The following DCDC1 variants were observed in gnomAD, a reference collection of about 807,000 sequenced individuals.
DCDC1 encodes doublecortin domain containing 1, also known as doublecortin domain-containing protein 1.
DCDC1 carries 200 observed loss-of-function variants against 178.3 expected under a neutral mutation model. The ratio of observed to expected loss-of-function variants is 1.12; its 90% CI spans 1.00 to 1.26. The LOEUF (loss-of-function observed/expected upper bound fraction) is 1.26, where lower values mean the gene tolerates loss of function less well. Among genes scored for constraint, DCDC1 ranks in the 50% most tolerant of loss-of-function variants. DCDC1 has a pLI of 0.00. For missense variants in DCDC1, 1,983 were observed against 1,749.2 expected (o/e 1.13, Z -2.38); for synonymous variants, 690 against 604.8 (o/e 1.14, Z -2.07).
chr11:31,294,858 GAAA>G (rs1246751357), intron 6 of DCDC1, among the ~76,000 whole-genome samples: 8 of 118,998 alleles, frequency 6.7e-5, no homozygotes, highest in African/African-American at 2.2e-4. Context: ...AAGAAAGAAA[GAAA>G]GAAAGAAAAA....
At chr11:30,916,832 A>AC in intron 26 of DCDC1, 38 bp downstream of exon 26, 1 of 1,556,860 alleles carries the variant, frequency 6.4e-7, no homozygotes, top group Non-Finnish European at 8.7e-7. Flanking sequence ...CTAACACTAG[A>AC]CAGAAATCTT....
chr11:31,137,903 A>C (rs2136001505), intron 9 of DCDC1, 119 bp from the exon 10 acceptor site: 1 of 565,772 alleles, frequency 1.8e-6, no homozygotes, highest in Admixed American at 3.3e-5. Flanking sequence ...TTTTGATGAT[A>C]CGTACATGAA....
intron 9 of DCDC1, among the ~76,000 whole-genome samples, chr11:31,163,464 T>G (rs1209803069): frequency 1.3e-5 from 2 of 152,170 alleles, no homozygotes; most frequent in Non-Finnish European, 2.9e-5. Flanking sequence ...GTTCTTATCT[T>G]TGATTTCACC....
intron 20 of DCDC1, among the ~76,000 whole-genome samples, chr11:30,994,025 A>C (rs1199947472): frequency 6.6e-6 from 1 of 152,192 alleles, no homozygotes; most frequent in Non-Finnish European, 1.5e-5. Flanking sequence ...AATATTCCTC[A>C]TGGACATAGA....
chr11:31,160,250 A>G (rs1465927817), intron 9 of DCDC1, among the ~76,000 whole-genome samples: 1 of 152,204 alleles, frequency 6.6e-6, no homozygotes, highest in Non-Finnish European at 1.5e-5. Flanking sequence ...TACAAACTTA[A>G]TACATTTTTA....
chr11:31,023,734 C>A (rs1048297831), intron 20 of DCDC1, among the ~76,000 whole-genome samples: 3 of 151,358 alleles, frequency 2.0e-5, no homozygotes, highest in Non-Finnish European at 4.4e-5. Flanking sequence ...ATATATAAAT[C>A]GAAAAACTTA....
intron 20 of DCDC1, among the ~76,000 whole-genome samples, chr11:30,973,113 A>T (rs920250912): frequency 7.2e-5 from 11 of 151,800 alleles, no homozygotes; most frequent in African/African-American, 2.4e-4. Flanking sequence ...CTCTACTAAA[A>T]ATACAAAATT....
intron 11 of DCDC1, among the ~76,000 whole-genome samples, chr11:31,120,746 A>G (rs919339696): frequency 2.6e-5 from 4 of 151,932 alleles, no homozygotes; most frequent in Non-Finnish European, 5.9e-5. Context: ...TCTCCCACCT[A>G]CTCAGACATC....
In DCDC1 at chr11:31,329,104, T is replaced by C. The variant is rs140679340; in HGVS notation, c.-6-818A>G. 2.6e-4 allele frequency among the ~76,000 whole-genome samples: 40 copies of C among 152,108 alleles called. 1 individual carries two copies. The highest frequency in any genetic ancestry group is 9.4e-4 in the African/African-American group (39 of 41,510). On this transcript the variant is annotated intron_variant, in intron 2 of 38. Transcript: ENST00000684477. Reference sequence around the variant, plus strand: ...AGGCTAGCCAATCAAAATGCCCTATTCTCCCACATACAGAGATTGGTAAAT... The same window carrying C: ...AGGCTAGCCAATCAAAATGCCCTATCCTCCCACATACAGAGATTGGTAAAT...
intron 17 of DCDC1, among the ~76,000 whole-genome samples, chr11:31,088,021 CGTT>C: frequency 6.6e-6 from 1 of 152,094 alleles, no homozygotes; most frequent in Middle Eastern, 3.4e-3. Flanking sequence ...AAATTAGAAT[CGTT>C]ATGTTCTCGT....
intron 1 of DCDC1, among the ~76,000 whole-genome samples, chr11:31,346,463 CAAAAAAAAAAAAA>C (rs377761189): frequency 2.4e-5 from 2 of 83,744 alleles, no homozygotes; most frequent in Non-Finnish European, 2.4e-5. Flanking sequence ...GACTCCGTCT[CAAAAAAAAAAAAA>C]AAAAAAAAAA....
Position 31,334,769 on chromosome 11 carries a change from G to A in DCDC1, c.-7+678C>T, listed in dbSNP as rs561179772. Among the ~76,000 whole-genome samples the A allele has an allele frequency of 8.1e-4, 124 of 152,244 alleles. 2 individuals are homozygous for A. The highest frequency in any genetic ancestry group is 2.8e-3 in the African/African-American group (115 of 41,546). On this transcript the variant is annotated intron_variant, in intron 2 of 38. Transcript: ENST00000684477. ...AATACTGCTGCCTGATCCTTCCTCT[G>A]GAAACTTCGTCCCAGAGGGGTACCC...
chr11:30,905,052 G>C lies in DCDC1; in HGVS notation c.4217C>G (p.Ala1406Gly). The part of the protein sequence containing the change: ...TQAASHSGMA[A>G]THQKAVKIIA... ...TATTTTCACTGCCTTCTGGTGTGTG[G>C]CTGCCATGCCACTGTGAGATGCAGC... The change falls in exon 31 of 39, where the codon GCC (alanine) becomes GGC (glycine). Residue 1406 changes from alanine (A) to glycine (G), a missense_variant. By Grantham distance (60) the Ala-to-Gly change is moderately conservative. Coordinates refer to ENST00000684477, the MANE Select transcript of DCDC1 (RefSeq NM_001387274.1). 6.2e-7 allele frequency: 1 copy of C among 1,613,792 alleles called. No homozygotes were observed. The highest frequency in any genetic ancestry group is 8.5e-7 in the Non-Finnish European group (1 of 1,179,768).
At chr11:30,883,774 C>G (rs1292215052) in intron 36 of DCDC1, among the ~76,000 whole-genome samples, 1 of 151,994 alleles carries the variant, frequency 6.6e-6, no homozygotes, top group Admixed American at 6.6e-5. Context: ...CTCCAGTATA[C>G]AAAACCTCAG....
intron 18 of DCDC1, among the ~76,000 whole-genome samples, chr11:31,069,647 G>C (rs965069958): frequency 1.3e-5 from 2 of 152,136 alleles, no homozygotes; most frequent in African/African-American, 4.8e-5. Flanking sequence ...CACATTCCAA[G>C]ACCATAAGTA....
intron 7 of DCDC1, among the ~76,000 whole-genome samples, chr11:31,283,227 A>G (rs1358737230): frequency 6.6e-6 from 1 of 152,182 alleles, no homozygotes; most frequent in Non-Finnish European, 1.5e-5. Flanking sequence ...ATATCATCCC[A>G]CAAGTTAATG....
chr11:31,019,565 T>G (rs1952729573), intron 20 of DCDC1, among the ~76,000 whole-genome samples: 1 of 152,186 alleles, frequency 6.6e-6, no homozygotes, highest in African/African-American at 2.4e-5. Flanking sequence ...GAATTGTTTT[T>G]ATATTTTTTT....
chr11:31,250,761 T>A (rs1281109183), intron 8 of DCDC1, among the ~76,000 whole-genome samples: 1 of 146,664 alleles, frequency 6.8e-6, no homozygotes, highest in Non-Finnish European at 1.5e-5. Context: ...CCCTAATATT[T>A]TTTTTTTTTT....
intron 7 of DCDC1, among the ~76,000 whole-genome samples, chr11:31,278,005 T>C (rs1946119346): frequency 6.6e-6 from 1 of 152,146 alleles, no homozygotes; most frequent in African/African-American, 2.4e-5. Flanking sequence ...TCCCACGTTT[T>C]CTCTGAGAAT....
Sources: gnomAD v4.1 joint callset for allele counts (sites outside exome capture counted in the v4.1 genomes callset) on GRCh38, gnomAD v4.1.1 for gene constraint, MANE v1.5 for transcripts, NCBI Gene and HGNC (gene_info 2026-07-23, HGNC 2026-07-21) for gene names.